The following LYST variants were observed in gnomAD, a reference collection of about 807,000 sequenced individuals.
LYST encodes the protein lysosomal trafficking regulator.
Under a neutral mutation model 413.6 loss-of-function variants are expected in LYST, and 192 were observed. The observed-to-expected ratio is 0.46, with a 90% CI of 0.41 to 0.52. The LOEUF is 0.52. Among genes scored for constraint, LYST ranks in the 20% least tolerant of loss-of-function variants. The pLI, the probability that LYST is intolerant of heterozygous loss-of-function variation, is 0.00. For synonymous variants in LYST, 1,525 were observed against 1,567.3 expected, an observed-to-expected ratio of 0.97 and a Z score of 0.64; for missense variants, 3,815 against 4,499.9, an observed-to-expected ratio of 0.85 and a Z score of 4.35.
At chr1:235,721,010 C>T in intron 39 of LYST, 105 bp from the exon 40 acceptor site, 1 of 1,192,744 alleles carries the variant, frequency 8.4e-7, no homozygotes, top group South Asian at 1.3e-5. Flanking sequence ...AATCTCATGT[C>T]CTCCAAAAAA....
chr1:235,700,230 A>T (rs1271494716), intron 45 of LYST, among the ~76,000 whole-genome samples: 1 of 152,234 alleles, frequency 6.6e-6, no homozygotes, highest in Non-Finnish European at 1.5e-5. Flanking sequence ...GCCAAAATTG[A>T]CAACTGGGAT....
intron 1 of LYST, among the ~76,000 whole-genome samples, chr1:235,857,601 A>T (rs1679330509): frequency 6.6e-6 from 1 of 152,038 alleles, no homozygotes; most frequent in Admixed American, 6.6e-5. Context: ...GAATCCAGCC[A>T]ATGAGACTGA....
intron 21 of LYST, among the ~76,000 whole-genome samples, chr1:235,764,057 A>G (rs1332805602): frequency 6.6e-6 from 1 of 152,124 alleles, no homozygotes; most frequent in Admixed American, 6.5e-5. Context: ...TGTTTCATAA[A>G]TTACATTTCA....
chr1:235,802,869 C>A, intron 8 of LYST, 39 bp downstream of exon 8: 1 of 1,602,930 alleles, frequency 6.2e-7, no homozygotes, highest in South Asian at 1.1e-5. Flanking sequence ...AATGATCTGG[C>A]TTGCAGATCT....
At chr1:235,762,592 G>A in intron 22 of LYST, 128 bp downstream of exon 22, 2 of 905,260 alleles carry the variant, frequency 2.2e-6, no homozygotes, top group South Asian at 2.9e-5. Context: ...GAGGACCTGT[G>A]CTGGGTGTCT....
chr1:235,712,202 A>T lies in LYST; in HGVS notation c.9785-5T>A, dbSNP rs1433253263. ...CTGGAATGTCAAAACTTTGATCTATAAAAAAATACAAATAATACGATTAAG... is the reference window on the plus strand; with the variant it reads ...CTGGAATGTCAAAACTTTGATCTATTAAAAAATACAAATAATACGATTAAG... On this transcript the variant is annotated splice_region_variant and splice_polypyrimidine_tract_variant and intron_variant, in intron 42 of 52. Transcript: ENST00000389793. 4 of 1,560,176 alleles carry T rather than the reference A, an allele frequency of 2.6e-6. No individual in the cohort carries two copies. Among genetic ancestry groups the T allele is most frequent in the Admixed American group, 3.5e-5 (2 of 57,294 alleles).
chr1:235,799,928 C>CTTTTTTTTTTTTTTT (rs67988872), intron 10 of LYST, among the ~76,000 whole-genome samples: 1 of 63,482 alleles, frequency 1.6e-5, no homozygotes, highest in African/African-American at 6.8e-5. Flanking sequence ...CAATGGAAGC[C>CTTTTTTTTTTTTTTT]TTTTTTTTTT....
rs1672886693 is a variant in LYST, at chr1:235,806,756, A to C, written c.2380T>G (p.Phe794Val). The change falls in exon 6 of 53, where the codon TTT becomes GTT. Residue 794 changes from phenylalanine (F) to valine (V), a missense_variant. Phe to Val is a conservative substitution (Grantham distance 50). This residue lies in a region of LYST where 1,648 missense variants were observed against 1,810.3 expected (regional missense o/e 0.91). Transcript: ENST00000389793. ...LLKSRVIRDL[F>V]LSCNGVSQII... ...TGACTTACTCCATTACAACTCAAAA[A>C]CAAATCTCTTATTACCCTGTGAAAG... is the stretch of plus-strand genomic sequence containing the variant. The C allele has an allele frequency of 6.2e-7, 1 of 1,611,322 alleles. No individual in the cohort carries two copies. Among genetic ancestry groups the C allele is most frequent in the East Asian group, 2.2e-5 (1 of 44,814 alleles).
chr1:235,788,356 A>T, intron 13 of LYST, among the ~76,000 whole-genome samples: 1 of 151,210 alleles, frequency 6.6e-6, no homozygotes, highest in Non-Finnish European at 1.5e-5. Context: ...TTTTGTTTTT[A>T]TTTTTATTTT....
At position 235,809,499 on chromosome 1, in the gene LYST, T is replaced by C. The variant is rs777581187; in HGVS notation, c.1319A>G (p.His440Arg). ...TGCTGTTTCAAATAAATTAAATCCA[T>C]GATGCTGAATGAATTCTTGAACCAA... ...MDLVQEFIQH[H>R]GFNLFETAVL... The change falls in exon 5 of 53, where the codon CAT becomes CGT. Residue 440 changes from histidine to arginine, a missense_variant. His to Arg is a conservative substitution (Grantham distance 29). Around this residue, in one of 4 missense-constraint regions of LYST, gnomAD observed 1,648 missense variants for 1,810.3 expected, o/e 0.91. Transcript: ENST00000389793. The surrounding 1 kb of genome is among the most constrained non-coding windows in gnomAD (Gnocchi z 4.0). 1 of 1,613,956 alleles carries C rather than the reference T, an allele frequency of 6.2e-7. No individual in the cohort carries two copies. The highest frequency in any genetic ancestry group is 1.3e-5 in the African/African-American group (1 of 74,904).
chr1:235,757,673 T>TAC (rs1667170248), intron 23 of LYST, among the ~76,000 whole-genome samples: 1 of 152,216 alleles, frequency 6.6e-6, no homozygotes, highest in Admixed American at 6.5e-5. Context: ...ACTATTCAAT[T>TAC]GTACATCTCT....
intron 50 of LYST, 72 bp downstream of exon 50, chr1:235,677,019 A>G (rs894628883): frequency 5.2e-5 from 54 of 1,040,896 alleles, no homozygotes; most frequent in Non-Finnish European, 7.3e-5. Flanking sequence ...GGCTCGACCT[A>G]GGAGTAACCA....
intron 28 of LYST, among the ~76,000 whole-genome samples, 184 bp downstream of exon 28, chr1:235,751,026 C>G (rs1272759028): frequency 6.6e-6 from 1 of 152,086 alleles, no homozygotes; most frequent in Non-Finnish European, 1.5e-5. Context: ...TAGGCAGGTG[C>G]TCAAGAAATA....
chr1:235,738,466 A>G, intron 31 of LYST: 1 of 1,612,694 alleles, frequency 6.2e-7, no homozygotes, highest in South Asian at 1.1e-5. Flanking sequence ...TTTCCCAAAA[A>G]CCATGTTATT....
chr1:235,748,201 G>A (rs1179944962), intron 28 of LYST, among the ~76,000 whole-genome samples: 1 of 152,158 alleles, frequency 6.6e-6, no homozygotes, highest in African/African-American at 2.4e-5. Context: ...ATTTAACTGT[G>A]TGTATGTGCG....
Position 235,882,783 on chromosome 1 carries a change from G to C in LYST, n.454+404C>G, listed in dbSNP as rs569491698. On this transcript the variant is annotated intron_variant and non_coding_transcript_variant, in intron 1 of 11. Coordinates refer to the LYST transcript ENST00000465349. The stretch of plus-strand genomic sequence containing the variant: ...CCATGTTGGAGATGTTCAGTTTCAT[G>C]TGCCTTGTGTAAAAACATCCCACAT... 2.0e-5 allele frequency among the ~76,000 whole-genome samples: 3 copies of C among 152,274 alleles called. No individual in the cohort carries two copies. In the South Asian group the frequency reaches 6.2e-4, roughly 32 times the overall value.
Position 235,744,223 on chromosome 1 carries a change from A to C in LYST, c.7973-66T>G, listed in dbSNP as rs1665690931. On this transcript the variant is annotated intron_variant, in intron 29 of 52. Coordinates refer to ENST00000389793, the MANE Select transcript of LYST (RefSeq NM_000081.4). ...TGCTATCTTGCCATTATAAATAGTA[A>C]TAATACTGGTAAAAAATATTGTATT... The C allele has an allele frequency of 7.3e-6, 6 of 827,424 alleles. No homozygotes were observed. In the East Asian group the frequency reaches 1.5e-4, roughly 21 times the overall value. The allele number at this position is 827,424 out of a possible 1,614,324, so 51.3% of individuals were successfully genotyped here. A position where few individuals can be genotyped will look rare whatever the true frequency, so the allele number is the denominator to read the frequency against.
Position 235,812,967 on chromosome 1 carries a change from A to G in LYST, c.283+4T>C, listed in dbSNP as rs756097379. Reference sequence around the variant, plus strand: ...AAGTGATATGATAAAGGGAAAAAGCATACCTGTTGCCTTTTCTTCTTGGAC... The same window carrying G: ...AAGTGATATGATAAAGGGAAAAAGCGTACCTGTTGCCTTTTCTTCTTGGAC... On this transcript the variant is annotated splice_donor_region_variant and intron_variant, in intron 4 of 52. Transcript: ENST00000389793. The G allele has an allele frequency of 1.9e-6, 3 of 1,591,320 alleles. No individual in the cohort carries two copies. Among genetic ancestry groups the G allele is most frequent in the East Asian group, 4.5e-5 (2 of 44,632 alleles).
chr1:235,881,985 A>G (rs967298628), intron 1 of LYST, among the ~76,000 whole-genome samples: 10 of 152,214 alleles, frequency 6.6e-5, no homozygotes, highest in East Asian at 3.9e-4. Context: ...TAATGCCACT[A>G]AACTGTACAT....
Sources: gnomAD v4.1 joint callset for allele counts (sites outside exome capture counted in the v4.1 genomes callset) on GRCh38, gnomAD v4.1.1 for gene constraint, gnomAD v4.1.1 regional missense constraint, Gnocchi (gnomAD v3.1) non-coding constraint, MANE v1.5 for transcripts, NCBI Gene and HGNC (gene_info 2026-07-23, HGNC 2026-07-21) for gene names.